TSPAN33: variants seen among roughly 807,000 people sequenced by gnomAD.
TSPAN33 encodes tetraspanin 33, also known as tetraspanin-33.
TSPAN33 carries 27 observed loss-of-function variants against 34.8 expected under a neutral mutation model. The ratio of observed to expected loss-of-function variants is 0.78; its 90% CI spans 0.57 to 1.07. The LOEUF (loss-of-function observed/expected upper bound fraction) is 1.07, where lower values mean the gene tolerates loss of function less well. TSPAN33 is among the 50% of genes least tolerant of loss of function. The pLI, the probability that TSPAN33 is intolerant of heterozygous loss-of-function variation, is 0.00. For missense variants in TSPAN33, 272 were observed against 324.9 expected, an observed-to-expected ratio of 0.84 and a Z score of 1.25; for synonymous variants, 119 against 124.2, an observed-to-expected ratio of 0.96 and a Z score of 0.28.
rs975750462 is a variant in TSPAN33 at position 129,167,112 on chromosome 7, T to A, written c.588+206T>A. ...ACATGGAGTTCAGAAGGGACAGATTTAAGTTTTAAGTTCAGATTCAGTACC... is the reference window on the plus strand; with the variant it reads ...ACATGGAGTTCAGAAGGGACAGATTAAAGTTTTAAGTTCAGATTCAGTACC... On this transcript the variant is annotated intron_variant, in intron 6 of 7. Transcript: ENST00000486685. This position sits in a 1 kb window ranked among gnomAD's most constrained non-coding sequence, Gnocchi z 4.6. 1.1e-4 allele frequency among the ~76,000 whole-genome samples: 16 copies of A among 152,130 alleles called. No homozygotes were observed. Among genetic ancestry groups the A allele is most frequent in the Non-Finnish European group, 2.4e-4 (16 of 68,028 alleles).
chr7:129,160,511 G>C (rs974380683), intron 1 of TSPAN33, among the ~76,000 whole-genome samples: 4 of 152,224 alleles, frequency 2.6e-5, no homozygotes, highest in Non-Finnish European at 5.9e-5. Context: ...TGGGGGCTAG[G>C]GGGTAGATAA....
intron 1 of TSPAN33, among the ~76,000 whole-genome samples, chr7:129,159,369 C>T (rs1432455574): frequency 6.6e-6 from 1 of 152,198 alleles, no homozygotes; most frequent in Non-Finnish European, 1.5e-5. Flanking sequence ...CCCACATTTT[C>T]TTTTTCCCGT....
chr7:129,158,474 T>G (rs955992792), intron 1 of TSPAN33, among the ~76,000 whole-genome samples: 1 of 152,194 alleles, frequency 6.6e-6, no homozygotes, highest in African/African-American at 2.4e-5. Flanking sequence ...AGGTAAATTA[T>G]GTGTCATGGG....
intron 1 of TSPAN33, among the ~76,000 whole-genome samples, chr7:129,154,675 A>G (rs1810644291): frequency 1.3e-5 from 2 of 152,200 alleles, no homozygotes; most frequent in Admixed American, 1.3e-4. Context: ...TGGAAGGTGG[A>G]GGTTGCAGTA....
chr7:129,167,522 T>C lies in TSPAN33; in HGVS notation c.712T>C (p.Leu238=). Reference sequence around the variant, plus strand: ...CAACTGGATACACAGCAACCTATTCTTACTTGGTGGTGTGGCTCTAGGCCT... The same window carrying C: ...CAACTGGATACACAGCAACCTATTCCTACTTGGTGGTGTGGCTCTAGGCCT... The part of the protein sequence containing the change: ...LVNWIHSNLF[L]LGGVALGLAI... The change falls in exon 7 of 8, where the codon TTA becomes CTA. Residue 238 remains leucine (L), a synonymous_variant. Transcript: ENST00000486685. This position sits in a 1 kb window ranked among gnomAD's most constrained non-coding sequence, Gnocchi z 4.6. The C allele has an allele frequency of 6.2e-7, 1 of 1,614,202 alleles. No homozygotes were observed. The highest frequency in any genetic ancestry group is 8.5e-7 in the Non-Finnish European group (1 of 1,180,024).
intron 1 of TSPAN33, among the ~76,000 whole-genome samples, chr7:129,160,507 C>T (rs777280307): frequency 2.0e-5 from 3 of 152,146 alleles, no homozygotes; most frequent in Admixed American, 1.3e-4. Flanking sequence ...GGCCTGGGGG[C>T]TAGGGGGTAG....
At chr7:129,162,620 C>T (rs1392373438) in intron 3 of TSPAN33, 99 bp downstream of exon 3, 3 of 1,556,968 alleles carry the variant, frequency 1.9e-6, no homozygotes, top group Non-Finnish European at 2.6e-6. Context: ...ACCCTACCCC[C>T]AAGCCTGTGC....
At chr7:129,156,485 T>C (rs1810666266) in intron 1 of TSPAN33, among the ~76,000 whole-genome samples, 1 of 152,240 alleles carries the variant, frequency 6.6e-6, no homozygotes, top group South Asian at 2.1e-4. Flanking sequence ...ACATGAATTA[T>C]TTGAAATTCT....
intron 1 of TSPAN33, among the ~76,000 whole-genome samples, chr7:129,152,982 C>T (rs1332466477): frequency 2.7e-5 from 4 of 148,178 alleles, no homozygotes; most frequent in Admixed American, 1.4e-4. Flanking sequence ...GGCTTGAACC[C>T]GGGAGGTGGA....
chr7:129,166,882 C>A lies in TSPAN33; in HGVS notation c.564C>A (p.Ser188=). The A allele has an allele frequency of 6.2e-7, 1 of 1,613,940 alleles. No individual in the cohort carries two copies. Among genetic ancestry groups the A allele is most frequent in the Non-Finnish European group, 8.5e-7 (1 of 1,179,940 alleles). Residue 188 remains serine (S), a synonymous_variant, in exon 6 of 8, where the codon TCC becomes TCA. Coordinates refer to ENST00000486685, the MANE Select transcript of TSPAN33 (RefSeq NM_178562.5). ...GAGAGCGCTGCTCTGTGCCTTACTC[C>A]TGTTGCTTGCCTACTCCTGACCAGG... The part of the protein sequence containing the change: ...PSRERCSVPY[S]CCLPTPDQAV...
Position 129,167,027 on chromosome 7 carries a change from G to C in TSPAN33, c.588+121G>C. The C allele has an allele frequency of 8.0e-7, 1 of 1,250,912 alleles. No homozygotes were observed. The highest frequency in any genetic ancestry group is 2.3e-5 in the East Asian group (1 of 42,614). The allele number at this position is 1,250,912 out of a possible 1,614,324, so 77.5% of individuals were successfully genotyped here. A position where few individuals can be genotyped will look rare whatever the true frequency, so the allele number is the denominator to read the frequency against. On this transcript the variant is annotated intron_variant, in intron 6 of 7. Transcript: ENST00000486685. This position sits in a 1 kb window ranked among gnomAD's most constrained non-coding sequence, Gnocchi z 4.6. ...CACCGATCAGTCATGTGGGACAGCT[G>C]TCAGGTGTTTTTCTTCACCCCAACC...
At chr7:129,163,327 TTC>T (rs1327453916) in intron 4 of TSPAN33, among the ~76,000 whole-genome samples, 1 of 110,964 alleles carries the variant, frequency 9.0e-6, no homozygotes, top group East Asian at 3.1e-4. Flanking sequence ...TTATTTTTCT[TTC>T]TTTCTTTTTT....
intron 1 of TSPAN33, among the ~76,000 whole-genome samples, chr7:129,152,801 G>A (rs550777506): frequency 6.6e-6 from 1 of 152,186 alleles, no homozygotes; most frequent in African/African-American, 2.4e-5. Flanking sequence ...GCTCACACCT[G>A]TAATCCTAGC....
At chr7:129,149,922 G>C (rs1810570902) in intron 1 of TSPAN33, among the ~76,000 whole-genome samples, 1 of 152,238 alleles carries the variant, frequency 6.6e-6, no homozygotes, top group South Asian at 2.1e-4. Context: ...TCACGGGCAG[G>C]GAGAGAGGTG....
rs781361007 is a variant in TSPAN33, at chr7:129,166,898, C to T, written c.580C>T (p.Pro194Ser). Residue 194 changes from proline (P) to serine (S), a missense_variant, in exon 6 of 8, where the codon CCT becomes TCT. Physicochemically the swap from Pro to Ser is moderately conservative, Grantham distance 74. Coordinates refer to ENST00000486685, the MANE Select transcript of TSPAN33 (RefSeq NM_178562.5). ...SVPYSCCLPTPDQAVINTMCG... is the reference protein window; with the variant it reads ...SVPYSCCLPTSDQAVINTMCG... ...GCCTTACTCCTGTTGCTTGCCTACT[C>T]CTGACCAGGTGAGCCAGCATCCTGC... 3 of 1,613,128 alleles carry T rather than the reference C, an allele frequency of 1.9e-6. No homozygotes were observed. The highest frequency in any genetic ancestry group is 1.3e-5 in the African/African-American group (1 of 74,892).
chr7:129,164,517 A>G lies in TSPAN33; in HGVS notation c.407A>G (p.His136Arg). The change falls in exon 5 of 8, where the codon CAC becomes CGC. Residue 136 changes from histidine (H) to arginine (R), a missense_variant. Physicochemically the swap from His to Arg is conservative, Grantham distance 29. Coordinates refer to ENST00000486685, the MANE Select transcript of TSPAN33 (RefSeq NM_178562.5). ...GAGATCATCAACAATGCCATTGTGC[A>G]CTACCGAGATGACTTGGATCTGCAG... The part of the protein sequence containing the change: ...VSEIINNAIV[H>R]YRDDLDLQNL... The G allele has an allele frequency of 6.2e-7, 1 of 1,614,156 alleles. No homozygotes were observed. Among genetic ancestry groups the G allele is most frequent in the Non-Finnish European group, 8.5e-7 (1 of 1,180,018 alleles).
At chr7:129,161,051 C>T (rs1042574117) in intron 1 of TSPAN33, among the ~76,000 whole-genome samples, 3 of 152,200 alleles carry the variant, frequency 2.0e-5, no homozygotes, top group Admixed American at 6.5e-5. Flanking sequence ...TTGACTCGCT[C>T]TGAAGACTGT....
Position 129,167,667 on chromosome 7 carries a change from G to A in TSPAN33, c.751-106G>A, listed in dbSNP as rs908530737. ...GAGGGTGTCAGGCACTGACATGGCT[G>A]AGGGGTAGGGAAAGGGATAGTGCTG... On this transcript the variant is annotated intron_variant, in intron 7 of 7. Coordinates refer to ENST00000486685, the MANE Select transcript of TSPAN33 (RefSeq NM_178562.5). The surrounding 1 kb of genome is among the most constrained non-coding windows in gnomAD (Gnocchi z 4.6). The A allele has an allele frequency of 6.4e-7, 1 of 1,560,226 alleles. No homozygotes were observed. Among genetic ancestry groups the A allele is most frequent in the Non-Finnish European group, 8.8e-7 (1 of 1,139,114 alleles).
At chr7:129,156,262 T>C (rs777019824) in intron 1 of TSPAN33, among the ~76,000 whole-genome samples, 1 of 152,166 alleles carries the variant, frequency 6.6e-6, no homozygotes, top group Non-Finnish European at 1.5e-5. Flanking sequence ...TCACATCACA[T>C]CATATCATAT....
Sources: gnomAD v4.1 joint callset for allele counts (sites outside exome capture counted in the v4.1 genomes callset) on GRCh38, gnomAD v4.1.1 for gene constraint, Gnocchi (gnomAD v3.1) non-coding constraint, MANE v1.5 for transcripts, NCBI Gene and HGNC (gene_info 2026-07-23, HGNC 2026-07-21) for gene names.